The following ITGA8 variants were observed in gnomAD, a reference collection of about 807,000 sequenced individuals.
The protein encoded by ITGA8 is integrin alpha-8.
A neutral mutation model predicts 142.3 loss-of-function variants in ITGA8; 91 were observed. That is an observed-to-expected ratio of 0.64 (90% confidence interval 0.54 to 0.76). The LOEUF (loss-of-function observed/expected upper bound fraction) is 0.76. ITGA8 is among the 30% of genes least tolerant of loss of function. The probability of loss-of-function intolerance (pLI) is 0.00; values close to 1 mark genes in which losing one functional copy is unlikely to be tolerated. For synonymous variants in ITGA8, 505 were observed against 485.2 expected (o/e 1.04, Z -0.54); for missense variants, 1,406 against 1,327.7 (o/e 1.06, Z -0.92).
rs35907545 is a variant in ITGA8 at position 15,593,839 on chromosome 10, A to ATTTTTTTTT, written c.2212-1544_2212-1536dup. Among the ~76,000 whole-genome samples, 115 of 137,290 alleles carry ATTTTTTTTT rather than the reference A, an allele frequency of 8.4e-4. 1 individual carries two copies. The highest frequency in any genetic ancestry group is 7.9e-3 in the Middle Eastern group (2 of 254). 90.1% of individuals were successfully genotyped at this position (137,290 alleles called of 152,430 possible). A position where few individuals can be genotyped will look rare whatever the true frequency, so the allele number is the denominator to read the frequency against. On this transcript the variant is annotated intron_variant, in intron 21 of 29. Coordinates refer to ENST00000378076, the MANE Select transcript of ITGA8 (RefSeq NM_003638.3). ...GCTAAGGCATTACGCCCCAGCAAAG[A>ATTTTTTTTT]TTTTTTTTTTTTTTTTTTTTGAGAC...
At chr10:15,597,680 A>G (rs1833032099) in intron 20 of ITGA8, among the ~76,000 whole-genome samples, 1 of 152,190 alleles carries the variant, frequency 6.6e-6, no homozygotes, top group African/African-American at 2.4e-5. Flanking sequence ...AAACAAAATG[A>G]TCATAATGTG....
In ITGA8 at chr10:15,631,926, A is replaced by G. The variant is rs181191445; in HGVS notation, c.1399+12104T>C. On this transcript the variant is annotated intron_variant, in intron 13 of 29. Coordinates refer to ENST00000378076, the MANE Select transcript of ITGA8 (RefSeq NM_003638.3). ...CCCAGTCTCTGATTATTTGGAAGGA[A>G]GTTAGTTCAAACTTAAACTGACAAA... 2.1e-3 allele frequency among the ~76,000 whole-genome samples: 312 copies of G among 152,084 alleles called. 2 individuals are homozygous for G. Among genetic ancestry groups the G allele is most frequent in the Middle Eastern group, 3.4e-3 (1 of 294 alleles).
At chr10:15,650,746 C>G (rs1392307494) in intron 11 of ITGA8, among the ~76,000 whole-genome samples, 1 of 152,066 alleles carries the variant, frequency 6.6e-6, no homozygotes, top group African/African-American at 2.4e-5. Context: ...TAGTACACTT[C>G]CATGCTAATG....
chr10:15,641,250 T>C (rs1400746645), intron 13 of ITGA8, among the ~76,000 whole-genome samples: 1 of 152,162 alleles, frequency 6.6e-6, no homozygotes, highest in Non-Finnish European at 1.5e-5. Flanking sequence ...AATACTTACC[T>C]AAATAAGACT....
intron 27 of ITGA8, 37 bp downstream of exon 27, chr10:15,548,418 T>G (rs1272194115): frequency 6.5e-6 from 9 of 1,379,654 alleles, no homozygotes; most frequent in Non-Finnish European, 9.2e-6. Flanking sequence ...CAGCTCCCAG[T>G]GAGCAGTGTG....
intron 13 of ITGA8, among the ~76,000 whole-genome samples, chr10:15,638,082 A>C (rs1833804527): frequency 6.6e-6 from 1 of 152,022 alleles, no homozygotes; most frequent in African/African-American, 2.4e-5. Context: ...AACATAACAG[A>C]CTCTATGCCT....
At chr10:15,593,808 T>C (rs1056500941) in intron 21 of ITGA8, among the ~76,000 whole-genome samples, 11 of 152,114 alleles carry the variant, frequency 7.2e-5, no homozygotes, top group South Asian at 4.2e-4. Flanking sequence ...ATAGCTAGTA[T>C]TTAATGCTAA....
chr10:15,579,080 T>A (rs973953296), intron 23 of ITGA8, among the ~76,000 whole-genome samples: 2 of 152,102 alleles, frequency 1.3e-5, no homozygotes, highest in African/African-American at 2.4e-5. Flanking sequence ...AAAAATAAAG[T>A]TCCGGGAGAC....
intron 4 of ITGA8, among the ~76,000 whole-genome samples, chr10:15,681,169 A>G (rs1334749748): frequency 6.6e-6 from 1 of 152,214 alleles, no homozygotes. Flanking sequence ...TTGCGGTATA[A>G]GATTAACATG....
At position 15,719,743 on chromosome 10, in the gene ITGA8, C is replaced by G; in HGVS notation, c.29G>C (p.Arg10Pro). 1 of 1,362,058 alleles carries G rather than the reference C, an allele frequency of 7.3e-7. No homozygotes were observed. Among genetic ancestry groups the G allele is most frequent in the Non-Finnish European group, 9.4e-7 (1 of 1,065,430 alleles). The allele number at this position is 1,362,058 out of a possible 1,614,324, so 84.4% of individuals were successfully genotyped here. A position where few individuals can be genotyped will look rare whatever the true frequency, so the allele number is the denominator to read the frequency against. ...CGCGATCAGCGGCGCCTGGCTTCCCCGGGGACCGCGGCTGGCCCCGGGCGA... is the reference window on the plus strand; with the variant it reads ...CGCGATCAGCGGCGCCTGGCTTCCCGGGGGACCGCGGCTGGCCCCGGGCGA... MSPGASRGP[R>P]GSQAPLIAPL... Residue 10 changes from arginine (R) to proline (P), a missense_variant, in exon 1 of 30, where the codon CGG becomes CCG. Arg to Pro is a moderately radical substitution (Grantham distance 103, BLOSUM62 -2). Coordinates refer to ENST00000378076, the MANE Select transcript of ITGA8 (RefSeq NM_003638.3).
intron 26 of ITGA8, among the ~76,000 whole-genome samples, chr10:15,556,321 C>A (rs1473618179): frequency 2.0e-5 from 3 of 152,112 alleles, no homozygotes; most frequent in Non-Finnish European, 4.4e-5. Context: ...AGCCACCATA[C>A]CCAGCCAGGT....
chr10:15,628,184 T>C (rs929154467), intron 13 of ITGA8, among the ~76,000 whole-genome samples: 8 of 151,972 alleles, frequency 5.3e-5, no homozygotes, highest in African/African-American at 1.9e-4. Flanking sequence ...TTGTTTAGCA[T>C]ATAATCAAGA....
intron 22 of ITGA8, among the ~76,000 whole-genome samples, chr10:15,590,412 C>T (rs1472639868): frequency 6.6e-6 from 1 of 152,178 alleles, no homozygotes; most frequent in African/African-American, 2.4e-5. Flanking sequence ...TCTTTTGTAA[C>T]TTCAACCAAG....
intron 11 of ITGA8, among the ~76,000 whole-genome samples, chr10:15,648,661 G>C (rs1046106303): frequency 6.6e-6 from 1 of 151,930 alleles, no homozygotes; most frequent in South Asian, 2.1e-4. Flanking sequence ...GATGAGGTGG[G>C]AACAGTTACT....
At chr10:15,623,142 A>G (rs989844809) in intron 13 of ITGA8, among the ~76,000 whole-genome samples, 1 of 152,204 alleles carries the variant, frequency 6.6e-6, no homozygotes, top group African/African-American at 2.4e-5. Flanking sequence ...AAGAAAAGCT[A>G]ATATTCTAAA....
intron 2 of ITGA8, among the ~76,000 whole-genome samples, chr10:15,693,055 A>G (rs1017788177): frequency 6.6e-6 from 1 of 152,202 alleles, no homozygotes; most frequent in Non-Finnish European, 1.5e-5. Context: ...CAACAAAGTA[A>G]GACTCTGTCT....
Position 15,707,821 on chromosome 10 carries a change from TAAAA to T in ITGA8, c.343+10941_343+10944del, listed in dbSNP as rs570962683. ...CTCGGTGACAGAGTGAGTTTCCTTCTAAAAAAAAAAAAAAGGAAAGAAAAAGAAA... is the reference window on the plus strand; with the variant it reads ...CTCGGTGACAGAGTGAGTTTCCTTCTAAAAAAAAAAGGAAAGAAAAAGAAA... On this transcript the variant is annotated intron_variant, in intron 2 of 29. Coordinates refer to ENST00000378076, the MANE Select transcript of ITGA8 (RefSeq NM_003638.3). Among the ~76,000 whole-genome samples, 10 of 117,592 alleles carry T rather than the reference TAAAA, an allele frequency of 8.5e-5. No homozygotes were observed. The Admixed American group carries it at 8.8e-4, about 10-fold the overall frequency. The allele number at this position is 117,592 out of a possible 152,430, so 77.1% of individuals were successfully genotyped here.
At chr10:15,588,198 T>G (rs866577016) in intron 22 of ITGA8, among the ~76,000 whole-genome samples, 24 of 152,192 alleles carry the variant, frequency 1.6e-4, no homozygotes, top group Non-Finnish European at 2.9e-5. Flanking sequence ...TATGATAAAA[T>G]TCTGCTTTCA....
At chr10:15,573,276 T>G (rs1200601868) in intron 24 of ITGA8, among the ~76,000 whole-genome samples, 1 of 152,212 alleles carries the variant, frequency 6.6e-6, no homozygotes, top group African/African-American at 2.4e-5. Flanking sequence ...CCCTAAACTT[T>G]CATGATCCAC....
Sources: allele counts gnomAD v4.1 joint callset (sites outside exome capture counted in the v4.1 genomes callset), GRCh38; gene constraint gnomAD v4.1.1; transcripts MANE v1.5; gene names NCBI Gene and HGNC (gene_info 2026-07-23, HGNC 2026-07-21).